The following HAP1 variants were observed in gnomAD, a reference collection of about 807,000 sequenced individuals.
HAP1 encodes huntingtin associated protein 1.
In HAP1, 59 loss-of-function variants were observed where a neutral mutation model predicts 60.3. That is an observed-to-expected ratio of 0.98 (90% CI 0.79 to 1.22). HAP1 has a LOEUF of 1.22. HAP1 is among the 50% of genes most tolerant of loss of function. The pLI is 0.00. For synonymous variants in HAP1, 346 were observed against 330.6 expected, an observed-to-expected ratio of 1.05 and a Z score of -0.50; for missense variants, 825 against 785.3, an observed-to-expected ratio of 1.05 and a Z score of -0.60.
Position 41,731,529 on chromosome 17 carries a change from C to G in HAP1, c.1033G>C (p.Glu345Gln), listed in dbSNP as rs781901331. 10 of 1,612,866 alleles carry G rather than the reference C, an allele frequency of 6.2e-6. No homozygotes were observed. In the South Asian group the frequency reaches 1.1e-4, roughly 18 times the overall value. The part of the protein sequence containing the change: ...ASQLDTLEDE[E>Q]QMLILECVEQ... ...ACACACTCCAGAATGAGCATCTGTT[C>G]CTCATCCTCAAGAGTGTCGAGTTGA... The change falls in exon 6 of 11, where the codon GAA (glutamate) becomes CAA (glutamine). Residue 345 changes from glutamate (E) to glutamine (Q), a missense_variant. Physicochemically the swap from Glu to Gln is conservative, Grantham distance 29. Coordinates refer to ENST00000347901, the MANE Select transcript of HAP1 (RefSeq NM_177977.3).
At position 41,731,478 on chromosome 17, in the gene HAP1, G is replaced by C; in HGVS notation, c.1069+15C>G. On this transcript the variant is annotated intron_variant, in intron 6 of 10. Coordinates refer to ENST00000347901, the MANE Select transcript of HAP1 (RefSeq NM_177977.3). ...CTTGGGACAACCCCCCACCCCGAGT[G>C]ACAACATTACGTACAAAACTGCTCC... 1 of 1,577,328 alleles carries C rather than the reference G, an allele frequency of 6.3e-7. No individual in the cohort carries two copies. The highest frequency in any genetic ancestry group is 1.1e-5 in the South Asian group (1 of 90,382).
intron 1 of HAP1, 128 bp downstream of exon 1, chr17:41,734,038 T>G: frequency 4.4e-6 from 3 of 682,402 alleles, no homozygotes; most frequent in South Asian, 2.1e-5. Flanking sequence ...CGCAGTGACA[T>G]CGCGGGGGTG....
chr17:41,727,326 G>GC (rs1430627374), intron 8 of HAP1, 182 bp from the exon 9 acceptor site: 1 of 780,792 alleles, frequency 1.3e-6, no homozygotes, highest in Non-Finnish European at 2.4e-6. Context: ...GTAATGGGTG[G>GC]CAGACCCAGT....
Position 41,723,589 on chromosome 17 carries a change from G to A in HAP1, c.*1112C>T, listed in dbSNP as rs1235173409. ...CTGGGGCATTGATGACCACAGGCCT[G>A]GCCTGGGCGGTGGGCAGGGGTCTGA... On this transcript the variant is annotated 3_prime_UTR_variant, in exon 11 of 11. Coordinates refer to ENST00000347901, the MANE Select transcript of HAP1 (RefSeq NM_177977.3). 1 of 152,772 alleles carries A rather than the reference G, an allele frequency of 6.5e-6. No individual in the cohort carries two copies. Among genetic ancestry groups the A allele is most frequent in the Non-Finnish European group, 1.5e-5 (1 of 68,128 alleles). The allele number at this position is 152,772 out of a possible 1,614,324, so 9.5% of individuals were successfully genotyped here.
downstream of HAP1, chr17:41,720,848 G>A (rs1555586910): frequency 6.6e-6 from 1 of 151,736 alleles, no homozygotes; most frequent in South Asian, 2.1e-4. Flanking sequence ...TGCCCAGGCT[G>A]GGGTGTAATG....
intron 2 of HAP1, 40 bp from the exon 3 acceptor site, chr17:41,732,434 A>G: frequency 6.2e-7 from 1 of 1,600,984 alleles, no homozygotes; most frequent in Non-Finnish European, 8.5e-7. Context: ...CTAGGCCCCT[A>G]AGAGAACCTT....
At position 41,732,397 on chromosome 17, in the gene HAP1, G is replaced by T. The variant is rs782085287; in HGVS notation, c.550-3C>A. The T allele has an allele frequency of 1.9e-6, 3 of 1,611,960 alleles. No homozygotes were observed. The highest frequency in any genetic ancestry group is 8.5e-7 in the Non-Finnish European group (1 of 1,178,708). ...CTCTCCCAGACAGGTGGGAGAAGCT[G>T]GGGGGGACACAGGGGTCAGAGAGAG... On this transcript the variant is annotated splice_region_variant and splice_polypyrimidine_tract_variant and intron_variant, in intron 2 of 10. Transcript: ENST00000347901.
rs1555591427 is a variant in HAP1 at position 41,732,711 on chromosome 17, G to C, written c.549+8C>G. ...AGGGCTTGCCTGGATCAGGAAGGCAGTACACACCTCCTCCAGCAAATATAA... is the reference window on the plus strand; with the variant it reads ...AGGGCTTGCCTGGATCAGGAAGGCACTACACACCTCCTCCAGCAAATATAA... On this transcript the variant is annotated splice_region_variant and intron_variant, in intron 2 of 10. Coordinates refer to ENST00000347901, the MANE Select transcript of HAP1 (RefSeq NM_177977.3). The C allele has an allele frequency of 1.2e-6, 2 of 1,600,952 alleles. No homozygotes were observed. Among genetic ancestry groups the C allele is most frequent in the Admixed American group, 1.7e-5 (1 of 59,990 alleles).
In HAP1 at chr17:41,727,253, C is replaced by T. The variant is rs781996343; in HGVS notation, c.1276-109G>A. 8 of 791,186 alleles carry T rather than the reference C, an allele frequency of 1.0e-5. No individual in the cohort carries two copies. The African/African-American group carries it at 1.2e-4, about 12-fold the overall frequency. 49.0% of individuals were successfully genotyped at this position (791,186 alleles called of 1,614,324 possible). A position where few individuals can be genotyped will look rare whatever the true frequency, so the allele number is the denominator to read the frequency against. ...TCAATCAGCCACCAAGGCTGAGACA[C>T]AGGCACAGACGTAGGAAAGTGGGCA... is the stretch of plus-strand genomic sequence containing the variant. On this transcript the variant is annotated intron_variant, in intron 8 of 10. Coordinates refer to ENST00000347901, the MANE Select transcript of HAP1 (RefSeq NM_177977.3).
chr17:41,731,345 G>A (rs1040083128), intron 6 of HAP1, 148 bp downstream of exon 6: 10 of 720,342 alleles, frequency 1.4e-5, no homozygotes, highest in Middle Eastern at 7.9e-4. Flanking sequence ...AAAGACAAAG[G>A]TTCAGAGAGG....
chr17:41,728,082 G>A, intron 7 of HAP1, 119 bp downstream of exon 7: 1 of 1,209,722 alleles, frequency 8.3e-7, no homozygotes, highest in Non-Finnish European at 1.2e-6. Context: ...GCTCTCTGAG[G>A]TCTCTGACTC....
downstream of HAP1, chr17:41,721,151 C>T (rs182601447): frequency 1.4e-4 from 22 of 152,290 alleles, no homozygotes; most frequent in East Asian, 3.1e-3. Flanking sequence ...GACTGAGACC[C>T]GGTTAGCCAC....
chr17:41,728,357 C>T (rs1911859224), intron 6 of HAP1, 26 bp from the exon 7 acceptor site: 8 of 1,609,168 alleles, frequency 5.0e-6, no homozygotes, highest in Non-Finnish European at 6.8e-6. Flanking sequence ...GACAGGTCAG[C>T]CCTGGCTCCC....
rs781803338 is a variant in HAP1, at chr17:41,725,095, C to A, written c.1466G>T (p.Gly489Val). 6.2e-7 allele frequency: 1 copy of A among 1,612,862 alleles called. No individual in the cohort carries two copies. The highest frequency in any genetic ancestry group is 1.7e-5 in the Admixed American group (1 of 59,942). ...EQVRGFEAEE[G>V]LMLAADIMRG... is the part of the protein sequence containing the mutation. ...CATGATATCCGCTGCCAGCATCAAC[C>A]CTTCCTCAGCCTCAAACCCCCGCAC... Residue 489 changes from glycine to valine, a missense_variant, in exon 11 of 11, where the codon GGG becomes GTG. Coordinates refer to ENST00000347901, the MANE Select transcript of HAP1 (RefSeq NM_177977.3).
Position 41,731,625 on chromosome 17 carries a change from C to T in HAP1, c.1002+13G>A, listed in dbSNP as rs1555590945. On this transcript the variant is annotated intron_variant, in intron 5 of 10. Coordinates refer to ENST00000347901, the MANE Select transcript of HAP1 (RefSeq NM_177977.3). ...CCCCTGCTAGCAGGGACGCCCTCCT[C>T]CCCCATTCTCACCTCTTCTCTCAGC... 1 of 1,607,346 alleles carries T rather than the reference C, an allele frequency of 6.2e-7. No homozygotes were observed. Among genetic ancestry groups the T allele is most frequent in the Non-Finnish European group, 8.5e-7 (1 of 1,173,954 alleles).
At position 41,731,708 on chromosome 17, in the gene HAP1, C is replaced by T; in HGVS notation, c.932G>A (p.Cys311Tyr). The part of the protein sequence containing the change: ...SQEALLHQHH[C>Y]PQLEALQEKL... Reference sequence around the variant, plus strand: ...CTCCTGCAAGGCTTCCAGCTGTGGGCAGTGGTGCTGGTGCAGCAATGCCTC... The same window carrying T: ...CTCCTGCAAGGCTTCCAGCTGTGGGTAGTGGTGCTGGTGCAGCAATGCCTC... The change falls in exon 5 of 11, where the codon TGC (cysteine) becomes TAC (tyrosine). Residue 311 changes from cysteine (C) to tyrosine (Y), a missense_variant. Transcript: ENST00000347901. 1 of 1,614,006 alleles carries T rather than the reference C, an allele frequency of 6.2e-7. No individual in the cohort carries two copies. The highest frequency in any genetic ancestry group is 8.5e-7 in the Non-Finnish European group (1 of 1,179,948).
At position 41,724,511 on chromosome 17, in the gene HAP1, A is replaced by C. The variant is rs1348026935; in HGVS notation, c.*190T>G. On this transcript the variant is annotated 3_prime_UTR_variant, in exon 11 of 11. Transcript: ENST00000347901. ...AGCCCTAACCCCCAGCCCAGCCCCC[A>C]GGAGAAAAGTGGATGGAGATCTGGA... is the stretch of plus-strand genomic sequence containing the variant. 6.8e-5 allele frequency: 40 copies of C among 585,086 alleles called. No homozygotes were observed. The highest frequency in any genetic ancestry group is 1.1e-4 in the Non-Finnish European group (37 of 328,988). The allele number at this position is 585,086 out of a possible 1,614,324, so 36.2% of individuals were successfully genotyped here. A position where few individuals can be genotyped will look rare whatever the true frequency, so the allele number is the denominator to read the frequency against.
At chr17:41,730,738 C>G (rs1912128990) in intron 6 of HAP1, among the ~76,000 whole-genome samples, 1 of 152,190 alleles carries the variant, frequency 6.6e-6, no homozygotes, top group African/African-American at 2.4e-5. Context: ...TCCTCAGGCA[C>G]AAACACTGCT....
chr17:41,732,375 TC>T lies in HAP1; in HGVS notation c.568del (p.Glu190ArgfsTer15). On this transcript the variant is annotated frameshift_variant, in exon 3 of 11. Coordinates refer to ENST00000347901, the MANE Select transcript of HAP1 (RefSeq NM_177977.3). LOFTEE classifies it high-confidence loss of function. ...LLEELLPPVWESVTYGMVLQR... is the reference protein window; with the variant it reads ...LLEELLPPVWXSVTYGMVLQR... ...CAGGACCATCCCATAGGTAACGCTCTCCCAGACAGGTGGGAGAAGCTGGGGG... is the reference window on the plus strand; with the variant it reads ...CAGGACCATCCCATAGGTAACGCTCTCCAGACAGGTGGGAGAAGCTGGGGG... 6.2e-7 allele frequency: 1 copy of T among 1,614,044 alleles called. No homozygotes were observed. Among genetic ancestry groups the T allele is most frequent in the Non-Finnish European group, 8.5e-7 (1 of 1,179,992 alleles).
Sources: allele counts gnomAD v4.1 joint callset (sites outside exome capture counted in the v4.1 genomes callset), GRCh38; gene constraint gnomAD v4.1.1; transcripts MANE v1.5; gene names NCBI Gene and HGNC (gene_info 2026-07-23, HGNC 2026-07-21).